TENM3: variants seen among roughly 807,000 people sequenced by gnomAD.
TENM3 encodes teneurin-3.
In TENM3, 63 loss-of-function variants were observed where a neutral mutation model predicts 255.1. The observed-to-expected ratio is 0.25, with a 90% CI of 0.20 to 0.30. The LOEUF (loss-of-function observed/expected upper bound fraction) is 0.30. Ranked by LOEUF, TENM3 falls within the 10% of genes least tolerant of loss-of-function variation. TENM3 has a pLI of 1.00. For synonymous variants in TENM3, 1,306 were observed against 1,322.3 expected, an observed-to-expected ratio of 0.99 and a Z score of 0.27; for missense variants, 2,929 against 3,461.1, an observed-to-expected ratio of 0.85 and a Z score of 3.86.
intron 6 of TENM3, among the ~76,000 whole-genome samples, chr4:182,663,018 G>A (rs1235946060): frequency 1.3e-5 from 2 of 152,206 alleles, no homozygotes; most frequent in Non-Finnish European, 2.9e-5. Flanking sequence ...TGCCGTTTCA[G>A]TGGATCTTGC....
intron 13 of TENM3, among the ~76,000 whole-genome samples, chr4:182,728,174 T>A (rs910920122): frequency 3.3e-5 from 5 of 152,138 alleles, no homozygotes; most frequent in Admixed American, 2.0e-4. Context: ...TGAAAGGTGG[T>A]TGGCTCATCT....
At chr4:182,505,581 C>T (rs1285673088) in intron 3 of TENM3, among the ~76,000 whole-genome samples, 3 of 152,010 alleles carry the variant, frequency 2.0e-5, no homozygotes, top group Non-Finnish European at 2.9e-5. Context: ...CAGGTTCAAG[C>T]GATTCTCCTG....
chr4:182,078,758 A>G, the TENM3 span, among the ~76,000 whole-genome samples: 3 of 152,004 alleles, frequency 2.0e-5, no homozygotes, highest in African/African-American at 7.2e-5. Flanking sequence ...GAGGAAATAG[A>G]GAGAGAGAGG....
intron 3 of TENM3, among the ~76,000 whole-genome samples, chr4:182,571,899 T>G (rs1446406371): frequency 6.6e-6 from 1 of 152,016 alleles, no homozygotes; most frequent in Non-Finnish European, 1.5e-5. Context: ...TAAAACTGTT[T>G]ATTGTTGTTG....
intron 3 of TENM3, among the ~76,000 whole-genome samples, chr4:182,445,232 G>GGC (rs1326080300): frequency 6.6e-6 from 1 of 152,118 alleles, no homozygotes; most frequent in Non-Finnish European, 1.5e-5. Context: ...TAACTATGTG[G>GGC]GCACATGATT....
intron 1 of TENM3, among the ~76,000 whole-genome samples, chr4:182,185,316 A>G (rs1307317106): frequency 6.6e-6 from 1 of 152,202 alleles, no homozygotes; most frequent in Non-Finnish European, 1.5e-5. Flanking sequence ...AAGGCACCAT[A>G]GCATAAATAG....
chr4:182,053,036 C>A, the TENM3 span, among the ~76,000 whole-genome samples: 2 of 152,082 alleles, frequency 1.3e-5, no homozygotes, highest in South Asian at 4.1e-4. Context: ...CCAGGCTGGA[C>A]CGAAACTTCT....
At chr4:181,760,952 C>T in the TENM3 span, among the ~76,000 whole-genome samples, 1 of 134,976 alleles carries the variant, frequency 7.4e-6, no homozygotes, top group Non-Finnish European at 1.5e-5. Context: ...CTTCCATTAT[C>T]TCCCCCACCA....
At chr4:182,196,231 C>A (rs540678039) in intron 1 of TENM3, among the ~76,000 whole-genome samples, 6 of 152,102 alleles carry the variant, frequency 3.9e-5, no homozygotes, top group Non-Finnish European at 8.8e-5. Context: ...GGAGTCTCTT[C>A]CGCTTGAAGA....
At chr4:181,931,911 T>C in the TENM3 span, among the ~76,000 whole-genome samples, 3 of 152,158 alleles carry the variant, frequency 2.0e-5, no homozygotes, top group Admixed American at 6.5e-5. Context: ...AAACAAGCAA[T>C]GGGCAAAGGA....
chr4:181,523,383 C>CT, the TENM3 span, among the ~76,000 whole-genome samples: 2 of 150,386 alleles, frequency 1.3e-5, no homozygotes, highest in African/African-American at 2.4e-5. Flanking sequence ...TTCATGCAAA[C>CT]TTTTTTATGA....
the TENM3 span, among the ~76,000 whole-genome samples, chr4:181,805,291 T>A: frequency 6.6e-6 from 1 of 152,046 alleles, no homozygotes; most frequent in Non-Finnish European, 1.5e-5. Flanking sequence ...GTCTCCCCTG[T>A]GACCCGTCCA....
chr4:181,713,957 T>C, the TENM3 span, among the ~76,000 whole-genome samples: 1 of 152,146 alleles, frequency 6.6e-6, no homozygotes. Flanking sequence ...AGACAGGTAC[T>C]TTGTGGGGTC....
In TENM3 at chr4:182,680,352, A is replaced by G. The variant is rs199950921; in HGVS notation, c.1639+3A>G. The G allele has an allele frequency of 3.1e-6, 5 of 1,594,994 alleles. No homozygotes were observed. Among genetic ancestry groups the G allele is most frequent in the African/African-American group, 1.3e-5 (1 of 74,424 alleles). ...TCTGGGTCCGGATTGTTCAAGAGGTATGCAAGTTAGATTCTTCTCTTAAGC... is the reference window on the plus strand; with the variant it reads ...TCTGGGTCCGGATTGTTCAAGAGGTGTGCAAGTTAGATTCTTCTCTTAAGC... On this transcript the variant is annotated splice_donor_region_variant and intron_variant, in intron 9 of 27. Coordinates refer to ENST00000511685, the MANE Select transcript of TENM3 (RefSeq NM_001080477.4).
the TENM3 span, among the ~76,000 whole-genome samples, chr4:181,951,613 C>G: frequency 6.6e-6 from 1 of 152,194 alleles, no homozygotes; most frequent in Non-Finnish European, 1.5e-5. Context: ...TCTACAGTAC[C>G]CAGTGCCCCT....
At chr4:182,407,637 A>G (rs1318215236) in intron 3 of TENM3, among the ~76,000 whole-genome samples, 2 of 152,238 alleles carry the variant, frequency 1.3e-5, no homozygotes, top group Non-Finnish European at 2.9e-5. Flanking sequence ...ATTGACCTTC[A>G]ATAAAAAGAA....
intron 1 of TENM3, among the ~76,000 whole-genome samples, chr4:182,263,553 C>A (rs564997070): frequency 6.6e-6 from 1 of 151,804 alleles, no homozygotes; most frequent in African/African-American, 2.4e-5. Context: ...CTGTGGGTAA[C>A]GGGATTAGGC....
At chr4:182,106,120 A>T in the TENM3 span, among the ~76,000 whole-genome samples, 1 of 152,106 alleles carries the variant, frequency 6.6e-6, no homozygotes, top group African/African-American at 2.4e-5. Flanking sequence ...ACCCCCAGCA[A>T]ATCAATATTA....
At chr4:182,595,367 A>G (rs1363842533) in intron 3 of TENM3, among the ~76,000 whole-genome samples, 1 of 152,054 alleles carries the variant, frequency 6.6e-6, no homozygotes, top group Non-Finnish European at 1.5e-5. Flanking sequence ...TTCCTGGTAT[A>G]ATAGTCAACA....
Sources: gnomAD v4.1 joint callset for allele counts (sites outside exome capture counted in the v4.1 genomes callset) on GRCh38, gnomAD v4.1.1 for gene constraint, MANE v1.5 for transcripts, NCBI Gene and HGNC (gene_info 2026-07-23, HGNC 2026-07-21) for gene names.